Variants in KCTD16 observed in about 807,000 individuals in gnomAD.
KCTD16 encodes the protein potassium channel tetramerization domain containing 16.
In KCTD16, 13 loss-of-function variants were observed where a neutral mutation model predicts 33.2. The observed-to-expected ratio is 0.39, with a 90% confidence interval of 0.25 to 0.62. KCTD16 has a LOEUF of 0.62. Among genes scored for constraint, KCTD16 ranks in the 20% least tolerant of loss-of-function variants. The probability of loss-of-function intolerance (pLI) is 0.50; values close to 1 mark genes in which losing one functional copy is unlikely to be tolerated. For missense variants in KCTD16, 441 were observed against 525.1 expected (o/e 0.84, Z 1.57); for synonymous variants, 197 against 195.3 (o/e 1.01, Z -0.07).
At chr5:144,378,903 T>G (rs993950951) in intron 3 of KCTD16, among the ~76,000 whole-genome samples, 14 of 152,190 alleles carry the variant, frequency 9.2e-5, no homozygotes, top group African/African-American at 2.9e-4. Context: ...AATCTTATGC[T>G]AACATTCGTC....
chr5:144,474,928 TAA>T lies in KCTD16; in HGVS notation c.*815_*816del, dbSNP rs1327598547. 29 of 152,182 alleles carry T rather than the reference TAA, an allele frequency of 1.9e-4. No individual in the cohort carries two copies. 9.4% of individuals were successfully genotyped at this position (152,182 alleles called of 1,614,324 possible). ...TTACTGCTTTGCTCTTTGTCTGCAT[TAA>T]GAGAGGATGAGGAGAGCTGGTCAAA... On this transcript the variant is annotated 3_prime_UTR_variant, in exon 4 of 4. Transcript: ENST00000512467.
rs534440664 is a variant in KCTD16, at chr5:144,479,704, C to T, written c.*5590C>T. On this transcript the variant is annotated 3_prime_UTR_variant, in exon 4 of 4. Transcript: ENST00000512467. The stretch of plus-strand genomic sequence containing the variant: ...CCTAAGTGGGATCCCTTTTCTGTCC[C>T]GGCTTCCTAATGTTCAAAAAATGTT... 4.6e-5 allele frequency: 7 copies of T among 152,088 alleles called. No individual in the cohort carries two copies. Among genetic ancestry groups the T allele is most frequent in the South Asian group, 2.1e-4 (1 of 4,816 alleles). 9.4% of individuals were successfully genotyped at this position (152,088 alleles called of 1,614,324 possible).
chr5:144,411,056 G>T (rs1752920987), intron 3 of KCTD16, among the ~76,000 whole-genome samples: 1 of 152,094 alleles, frequency 6.6e-6, no homozygotes, highest in South Asian at 2.1e-4. Context: ...AAAATAGAAA[G>T]GCATTCTATG....
chr5:144,263,342 T>C (rs2126840856), intron 3 of KCTD16, among the ~76,000 whole-genome samples: 1 of 152,338 alleles, frequency 6.6e-6, no homozygotes, highest in East Asian at 1.9e-4. Context: ...TGTTTGAGTC[T>C]TCTTTATTCT....
chr5:144,229,582 C>G (rs1024478918), intron 3 of KCTD16, among the ~76,000 whole-genome samples: 14 of 152,050 alleles, frequency 9.2e-5, no homozygotes, highest in Non-Finnish European at 1.5e-5. Flanking sequence ...ACTCTTTTGT[C>G]CACATTTTAG....
intron 3 of KCTD16, among the ~76,000 whole-genome samples, chr5:144,398,677 A>T (rs1752632545): frequency 6.6e-6 from 1 of 151,664 alleles, no homozygotes; most frequent in Admixed American, 6.6e-5. Flanking sequence ...AACCTAATAT[A>T]AATACCTTTG....
At chr5:144,435,178 A>G (rs572263295) in intron 3 of KCTD16, among the ~76,000 whole-genome samples, 1 of 152,352 alleles carries the variant, frequency 6.6e-6, no homozygotes, top group South Asian at 2.1e-4. Context: ...AAGCCCTGAT[A>G]GCCCCCTTAC....
At chr5:144,407,659 A>C (rs983468858) in intron 3 of KCTD16, among the ~76,000 whole-genome samples, 8 of 152,086 alleles carry the variant, frequency 5.3e-5, no homozygotes, top group Admixed American at 5.2e-4. Context: ...TAAGCCCCAC[A>C]TGCATTAAGT....
intron 1 of KCTD16, among the ~76,000 whole-genome samples, chr5:144,173,821 A>G (rs1182357881): frequency 6.6e-6 from 1 of 152,122 alleles, no homozygotes; most frequent in East Asian, 1.9e-4. Context: ...ATGTAAGCCA[A>G]GGTATCCTGC....
rs917561735 is a variant in KCTD16, at chr5:144,475,221, C to T, written c.*1107C>T. ...GTTTGTTTTAGAGAAAGTTGTATTC[C>T]ACACACAACCTAATAATTTCTTATA... On this transcript the variant is annotated 3_prime_UTR_variant, in exon 4 of 4. Transcript: ENST00000512467. 3.3e-5 allele frequency: 5 copies of T among 152,124 alleles called. No individual in the cohort carries two copies. Among genetic ancestry groups the T allele is most frequent in the African/African-American group, 9.7e-5 (4 of 41,408 alleles). 9.4% of individuals were successfully genotyped at this position (152,124 alleles called of 1,614,324 possible).
intron 3 of KCTD16, among the ~76,000 whole-genome samples, chr5:144,344,804 T>A (rs1752743161): frequency 6.7e-6 from 1 of 150,266 alleles, no homozygotes; most frequent in South Asian, 2.1e-4. Flanking sequence ...TGGCGATTCC[T>A]CAGGGATCTA....
At chr5:144,292,531 C>T (rs372924029) in intron 3 of KCTD16, among the ~76,000 whole-genome samples, 72 of 152,258 alleles carry the variant, frequency 4.7e-4, no homozygotes, top group African/African-American at 1.6e-3. Flanking sequence ...GAGCCCTAGA[C>T]GTGCTGCTTT....
intron 3 of KCTD16, among the ~76,000 whole-genome samples, chr5:144,256,911 G>C (rs945371296): frequency 6.6e-6 from 1 of 152,172 alleles, no homozygotes; most frequent in African/African-American, 2.4e-5. Context: ...AATTTGAAAA[G>C]TGGTTTAGTG....
At chr5:144,192,682 A>G (rs748161342) in intron 2 of KCTD16, among the ~76,000 whole-genome samples, 11 of 152,156 alleles carry the variant, frequency 7.2e-5, no homozygotes, top group Non-Finnish European at 1.5e-4. Context: ...AAGAGCTGTG[A>G]ATGCTGGTCC....
intron 3 of KCTD16, among the ~76,000 whole-genome samples, chr5:144,472,781 C>T (rs1754507464): frequency 6.6e-6 from 1 of 152,066 alleles, no homozygotes; most frequent in Non-Finnish European, 1.5e-5. Flanking sequence ...AACTATAATT[C>T]AGAGAGGAGA....
At chr5:144,184,990 A>G (rs950057874) in intron 2 of KCTD16, among the ~76,000 whole-genome samples, 2 of 152,240 alleles carry the variant, frequency 1.3e-5, no homozygotes, top group Non-Finnish European at 2.9e-5. Flanking sequence ...ATATAAAATA[A>G]TAACCAAAAC....
chr5:144,297,638 A>C (rs1756077908), intron 3 of KCTD16, among the ~76,000 whole-genome samples: 1 of 152,210 alleles, frequency 6.6e-6, no homozygotes. Flanking sequence ...CCTAGCTGGG[A>C]AGGTGATCGC....
chr5:144,431,459 AG>A (rs1753460679), intron 3 of KCTD16, among the ~76,000 whole-genome samples: 1 of 152,162 alleles, frequency 6.6e-6, no homozygotes, highest in Non-Finnish European at 1.5e-5. Context: ...ATAATTTACC[AG>A]TGCACAGCTT....
intron 3 of KCTD16, among the ~76,000 whole-genome samples, chr5:144,355,105 G>T (rs1275012981): frequency 6.6e-6 from 1 of 152,136 alleles, no homozygotes; most frequent in Non-Finnish European, 1.5e-5. Context: ...CCCAAAGTCA[G>T]ACATCTAGAA....
Sources: gnomAD v4.1 joint callset for allele counts (sites outside exome capture counted in the v4.1 genomes callset) on GRCh38, gnomAD v4.1.1 for gene constraint, MANE v1.5 for transcripts, NCBI Gene and HGNC (gene_info 2026-07-23, HGNC 2026-07-21) for gene names.